Variants in IQUB observed in about 807,000 individuals in gnomAD.
IQUB encodes IQ motif and ubiquitin domain containing.
IQUB carries 86 observed loss-of-function variants against 86.4 expected under a neutral mutation model. The observed-to-expected ratio is 1.00, with a 90% CI of 0.84 to 1.19. IQUB has a LOEUF of 1.19. IQUB is among the 50% of genes most tolerant of loss of function. IQUB has a pLI of 0.00. For missense variants in IQUB, 946 were observed against 916.9 expected (o/e 1.03, Z -0.41); for synonymous variants, 289 against 304.5 (o/e 0.95, Z 0.53).
intron 11 of IQUB, chr7:123,458,172 G>A (rs1480288210): frequency 6.6e-6 from 1 of 151,846 alleles, no homozygotes; most frequent in Non-Finnish European, 1.5e-5. Context: ...TCAAAAAGAG[G>A]GGTAATGAAA....
chr7:123,467,720 A>G lies in IQUB; in HGVS notation c.1581+1494T>C, dbSNP rs150447028. On this transcript the variant is annotated intron_variant, in intron 9 of 12. Transcript: ENST00000324698. Reference sequence around the variant, plus strand: ...CTTGACCTGTGGAGTAAGAGCTATCATGATGAGGAAGACCAAGTGGAAGCC... The same window carrying G: ...CTTGACCTGTGGAGTAAGAGCTATCGTGATGAGGAAGACCAAGTGGAAGCC... Among the ~76,000 whole-genome samples, 45 of 152,310 alleles carry G rather than the reference A, an allele frequency of 3.0e-4. No individual in the cohort carries two copies. In the East Asian group the frequency reaches 3.1e-3, roughly 10 times the overall value.
intron 1 of IQUB, 98 bp downstream of exon 1, chr7:123,534,394 C>CCAGCACA (rs1797666157): frequency 6.6e-6 from 1 of 152,514 alleles, no homozygotes; most frequent in Non-Finnish European, 1.5e-5. Context: ...GAATCACTGC[C>CCAGCACA]CAGCACACAG....
Position 123,496,820 on chromosome 7 carries a change from T to G in IQUB, c.1110A>C (p.Glu370Asp). The G allele has an allele frequency of 6.2e-7, 1 of 1,612,862 alleles. No homozygotes were observed. The highest frequency in any genetic ancestry group is 8.5e-7 in the Non-Finnish European group (1 of 1,179,322). ...NLRRQKSLRL[E>D]WETQQELRKI... is the part of the protein sequence containing the mutation. ...TCCTTAGTTCTTGCTGTGTTTCCCA[T>G]TCCAGTCTTAAGCTTTTCTGTCTTC... The change falls in exon 7 of 13, where the codon GAA becomes GAC. Residue 370 changes from glutamate to aspartate, a missense_variant. Transcript: ENST00000324698.
At chr7:123,474,297 A>C (rs1794659851) in intron 8 of IQUB, among the ~76,000 whole-genome samples, 1 of 152,172 alleles carries the variant, frequency 6.6e-6, no homozygotes, top group Non-Finnish European at 1.5e-5. Flanking sequence ...TTGTTTGTTA[A>C]TTTTGACATC....
intron 10 of IQUB, among the ~76,000 whole-genome samples, chr7:123,463,340 G>A (rs1291229837): frequency 6.6e-6 from 1 of 151,664 alleles, no homozygotes; most frequent in African/African-American, 2.4e-5. Context: ...TCTAGTGCTT[G>A]TAATGATTTT....
At chr7:123,453,057 TATC>T (rs1360084408) in intron 12 of IQUB, 132 bp from the exon 13 acceptor site, 6 of 669,862 alleles carry the variant, frequency 9.0e-6, no homozygotes, top group Admixed American at 3.0e-5. Context: ...TCACGTTGTC[TATC>T]ATCATTCACG....
intron 11 of IQUB, among the ~76,000 whole-genome samples, chr7:123,460,776 A>G (rs557576323): frequency 3.5e-4 from 53 of 152,032 alleles, no homozygotes; most frequent in African/African-American, 1.2e-3. Context: ...TGGTTAAGTT[A>G]GGAATTCAGG....
chr7:123,462,338 A>G (rs901183574), intron 10 of IQUB, among the ~76,000 whole-genome samples: 3 of 151,874 alleles, frequency 2.0e-5, no homozygotes, highest in Non-Finnish European at 4.4e-5. Flanking sequence ...AAGGAAATGG[A>G]CATCAATGTT....
At chr7:123,521,562 G>A (rs867798983) in intron 1 of IQUB, among the ~76,000 whole-genome samples, 8 of 151,868 alleles carry the variant, frequency 5.3e-5, no homozygotes, top group East Asian at 3.9e-4. Context: ...TTGGAAGATC[G>A]CTTCAGCCAG....
rs1793762584 is a variant in IQUB, at chr7:123,457,543, T to A, written c.2031A>T (p.Thr677=). Reference sequence around the variant, plus strand: ...CTGACTGGGACGCCCAGATGTTCTCTGTCAGGTACTGAATGTCTTGTAGCT... The same window carrying A: ...CTGACTGGGACGCCCAGATGTTCTCAGTCAGGTACTGAATGTCTTGTAGCT... ...LMQLQDIQYL[T]ENIWASQSVL... Residue 677 remains threonine (T), a synonymous_variant, in exon 12 of 13, where the codon ACA becomes ACT. Coordinates refer to ENST00000324698, the MANE Select transcript of IQUB (RefSeq NM_178827.5). 6.2e-7 allele frequency: 1 copy of A among 1,605,638 alleles called. No homozygotes were observed. Among genetic ancestry groups the A allele is most frequent in the African/African-American group, 1.3e-5 (1 of 74,222 alleles).
At position 123,512,174 on chromosome 7, in the gene IQUB, T is replaced by C. The variant is rs749251495; in HGVS notation, c.167A>G (p.His56Arg). The change falls in exon 2 of 13, where the codon CAT becomes CGT. Residue 56 changes from histidine (H) to arginine (R), a missense_variant. Transcript: ENST00000324698. ...ACTCTGCTCCTCAACATGTATTGCA[T>C]GGCTCTCACTGAATTGTTCTATTCC... The part of the protein sequence containing the change: ...ESGIEQFSES[H>R]AIHVEEQSDQ... The C allele has an allele frequency of 2.6e-5, 42 of 1,614,122 alleles. 1 individual carries two copies. The Middle Eastern group carries it at 3.0e-3, about 114-fold the overall frequency.
intron 1 of IQUB, among the ~76,000 whole-genome samples, chr7:123,521,994 C>T (rs1265731111): frequency 6.6e-6 from 1 of 152,064 alleles, no homozygotes; most frequent in Non-Finnish European, 1.5e-5. Flanking sequence ...GAGTTTGAAT[C>T]TAGACTTAAC....
Position 123,452,629 on chromosome 7 carries a change from C to T in IQUB, c.*114G>A, listed in dbSNP as rs1793474252. The T allele has an allele frequency of 1.6e-6, 1 of 620,532 alleles. No homozygotes were observed. 38.4% of individuals were successfully genotyped at this position (620,532 alleles called of 1,614,324 possible). The stretch of plus-strand genomic sequence containing the variant: ...ATATAACTCAAAATACTATGAAAAA[C>T]AAAAAACAAAATCAATAAACAGATT... On this transcript the variant is annotated 3_prime_UTR_variant, in exon 13 of 13. Transcript: ENST00000324698.
At position 123,502,639 on chromosome 7, in the gene IQUB, C is replaced by T. The variant is rs754172107; in HGVS notation, c.981G>A (p.Lys327=). 2.5e-6 allele frequency: 4 copies of T among 1,612,702 alleles called. No individual in the cohort carries two copies. The South Asian group carries it at 4.4e-5, about 18-fold the overall frequency. ...CATGGTATTCTGCTGCTGAAAAATA[C>T]TTTCCTGGTGTTACCAGTTTATCAG... ...NMTDKLVTPG[K]YFSAAEYHAQ... is the part of the protein sequence containing the mutation. The change falls in exon 6 of 13, where the codon AAG becomes AAA. Residue 327 remains lysine, a synonymous_variant. Transcript: ENST00000324698.
intron 6 of IQUB, chr7:123,502,253 C>T: frequency 4.3e-6 from 1 of 233,598 alleles, no homozygotes; most frequent in Non-Finnish European, 8.1e-6. Flanking sequence ...CGACTACTGT[C>T]CTATTTGGTT....
rs543355589 is a variant in IQUB, at chr7:123,527,184, T to C, written c.-5+7308A>G. On this transcript the variant is annotated intron_variant, in intron 1 of 12. Transcript: ENST00000324698. ...GCTCCATCAGCTCCTTTAAGCACTT[T>C]TCTTTATTGGTTATTGTAGTTATAC... 2.8e-3 allele frequency among the ~76,000 whole-genome samples: 427 copies of C among 152,292 alleles called. 1 individual carries two copies. Among genetic ancestry groups the C allele is most frequent in the African/African-American group, 9.7e-3 (403 of 41,558 alleles).
At chr7:123,494,325 G>A (rs1795619198) in intron 7 of IQUB, among the ~76,000 whole-genome samples, 1 of 152,028 alleles carries the variant, frequency 6.6e-6, no homozygotes, top group Non-Finnish European at 1.5e-5. Context: ...TCGAGGAAAA[G>A]TTAAGTTTCA....
intron 7 of IQUB, among the ~76,000 whole-genome samples, chr7:123,484,002 C>G (rs1795112784): frequency 6.6e-6 from 1 of 152,024 alleles, no homozygotes; most frequent in Admixed American, 6.6e-5. Flanking sequence ...TGTATCTGGC[C>G]ACTGCCTTTC....
At position 123,524,291 on chromosome 7, in the gene IQUB, G is replaced by T. The variant is rs1250478340; in HGVS notation, c.-5+10201C>A. On this transcript the variant is annotated intron_variant, in intron 1 of 12. Transcript: ENST00000324698. ...TGGCATTGAATCTGTAAATTACCTT[G>T]GGCAGTATGGCCATTTTCACGATAT... Among the ~76,000 whole-genome samples, 788 of 141,100 alleles carry T rather than the reference G, an allele frequency of 5.6e-3. 8 individuals carry two copies. Among genetic ancestry groups the T allele is most frequent in the African/African-American group, 0.02 (759 of 38,404 alleles). 92.6% of individuals were successfully genotyped at this position (141,100 alleles called of 152,430 possible).
Sources: gnomAD v4.1 joint callset for allele counts (sites outside exome capture counted in the v4.1 genomes callset) on GRCh38, gnomAD v4.1.1 for gene constraint, MANE v1.5 for transcripts, NCBI Gene and HGNC (gene_info 2026-07-23, HGNC 2026-07-21) for gene names.